The following PCDH11X variants were observed in gnomAD, a reference collection of about 807,000 sequenced individuals.
PCDH11X encodes the protein protocadherin 11 X-linked, also known as protocadherin-11 X-linked.
Under a neutral mutation model 53.3 loss-of-function variants are expected in PCDH11X, and 18 were observed. That is an observed-to-expected ratio of 0.34 (90% CI 0.23 to 0.50). The LOEUF (loss-of-function observed/expected upper bound fraction) is 0.50, where lower values mean the gene tolerates loss of function less well. Ranked by LOEUF, PCDH11X falls within the 20% of genes least tolerant of loss-of-function variation. The pLI is 0.98. For synonymous variants in PCDH11X, 279 were observed against 393.3 expected (o/e 0.71, Z 3.44); for missense variants, 570 against 1,032.4 (o/e 0.55, Z 6.14).
At chrX:91,783,157 T>C (rs1935217984) in intron 1 of PCDH11X, among the ~76,000 whole-genome samples, 1 of 112,107 alleles carries the variant, frequency 8.9e-6, no homozygotes, top group Non-Finnish European at 1.9e-5. Flanking sequence ...CCTTTTCTTC[T>C]TCCCTTTGAT....
chrX:92,617,286 A>G (rs1196471018), intron 10 of PCDH11X, among the ~76,000 whole-genome samples: 2 of 111,837 alleles, frequency 1.8e-5, no homozygotes, highest in Non-Finnish European at 3.8e-5. Flanking sequence ...CAAGTCTTCT[A>G]TGCATTTACT....
chrX:92,105,241 G>A (rs2064352166), intron 6 of PCDH11X, among the ~76,000 whole-genome samples: 1 of 111,445 alleles, frequency 9.0e-6, no homozygotes, highest in African/African-American at 3.3e-5. Flanking sequence ...GGAGAAAGAG[G>A]TTGAGGGATA....
intron 10 of PCDH11X, among the ~76,000 whole-genome samples, chrX:92,579,360 C>T (rs1923372611): frequency 9.2e-6 from 1 of 108,400 alleles, no homozygotes; most frequent in African/African-American, 3.4e-5. Flanking sequence ...GATTCCATTT[C>T]CCTCCTCTCT....
At chrX:91,928,142 G>T (rs778280869) in intron 6 of PCDH11X, among the ~76,000 whole-genome samples, 1 of 108,011 alleles carries the variant, frequency 9.3e-6, no homozygotes, top group Non-Finnish European at 1.9e-5. Flanking sequence ...CCAATGGCAT[G>T]CTGTGAATAT....
intron 1 of PCDH11X, among the ~76,000 whole-genome samples, chrX:91,805,186 C>A (rs1194198192): frequency 9.4e-6 from 1 of 106,939 alleles, no homozygotes; most frequent in Non-Finnish European, 2.0e-5. Flanking sequence ...AATGTAGTAG[C>A]CATTTTGAAA....
intron 5 of PCDH11X, among the ~76,000 whole-genome samples, chrX:91,850,880 C>T (rs1199698478): frequency 9.1e-6 from 1 of 110,097 alleles, no homozygotes; most frequent in African/African-American, 3.4e-5. Flanking sequence ...CTAAAAACTC[C>T]TTCTGCTAAC....
At chrX:91,993,317 A>C (rs1353730419) in intron 6 of PCDH11X, among the ~76,000 whole-genome samples, 2 of 112,800 alleles carry the variant, frequency 1.8e-5, no homozygotes, top group Non-Finnish European at 3.7e-5. Flanking sequence ...TGTTAACAGT[A>C]GACTGGTTTA....
intron 7 of PCDH11X, among the ~76,000 whole-genome samples, chrX:92,249,197 T>A (rs1177012793): frequency 9.0e-6 from 1 of 111,385 alleles, no homozygotes; most frequent in African/African-American, 3.3e-5. Context: ...ATTACATTTT[T>A]AAAAAATGCT....
intron 6 of PCDH11X, among the ~76,000 whole-genome samples, chrX:92,029,223 T>C (rs921829034): frequency 9.0e-6 from 1 of 111,693 alleles, no homozygotes; most frequent in African/African-American, 3.3e-5. Context: ...GCAAGTTGAC[T>C]GATGGCAAAG....
intron 6 of PCDH11X, among the ~76,000 whole-genome samples, chrX:91,881,971 T>A (rs1227600539): frequency 9.0e-6 from 1 of 111,055 alleles, no homozygotes; most frequent in South Asian, 3.7e-4. Context: ...AATAAAATGT[T>A]CTAGTAGACT....
At chrX:92,391,968 G>A (rs1333335977) in intron 9 of PCDH11X, among the ~76,000 whole-genome samples, 1 of 110,737 alleles carries the variant, frequency 9.0e-6, no homozygotes, top group Non-Finnish European at 1.9e-5. Flanking sequence ...AAAATGAAGA[G>A]GAGAATGATT....
At chrX:92,427,247 A>T (rs1230675136) in intron 9 of PCDH11X, among the ~76,000 whole-genome samples, 2 of 107,644 alleles carry the variant, frequency 1.9e-5, no homozygotes, top group Non-Finnish European at 3.8e-5. Flanking sequence ...CATTTGGAAG[A>T]CATAATTCTA....
At chrX:92,536,270 G>A (rs1044077770) in intron 10 of PCDH11X, among the ~76,000 whole-genome samples, 10 of 110,992 alleles carry the variant, frequency 9.0e-5, no homozygotes, top group African/African-American at 3.3e-4. Flanking sequence ...TTTTTATACA[G>A]GCTATTTTAT....
chrX:91,983,287 C>A, intron 6 of PCDH11X: 1 of 915,768 alleles, frequency 1.1e-6, no homozygotes, highest in Non-Finnish European at 1.6e-6. Context: ...TGTTCTATTT[C>A]TCTGTAAACG....
chrX:92,075,720 C>G (rs1211914030), intron 6 of PCDH11X, among the ~76,000 whole-genome samples: 1 of 111,735 alleles, frequency 8.9e-6, no homozygotes, highest in Non-Finnish European at 1.9e-5. Flanking sequence ...TCCAGATCCA[C>G]AAAATTTACT....
intron 8 of PCDH11X, among the ~76,000 whole-genome samples, chrX:92,337,149 G>T (rs1479857109): frequency 2.8e-5 from 3 of 107,984 alleles, no homozygotes; most frequent in African/African-American, 1.0e-4. Flanking sequence ...CACTGAGGCT[G>T]CATATATGGC....
At chrX:92,480,554 G>A (rs1764331116) in intron 10 of PCDH11X, among the ~76,000 whole-genome samples, 1 of 109,821 alleles carries the variant, frequency 9.1e-6, no homozygotes, top group African/African-American at 3.3e-5. Flanking sequence ...GCCCTTGAGG[G>A]TTTGGTTGTG....
intron 6 of PCDH11X, among the ~76,000 whole-genome samples, chrX:91,953,636 A>G (rs2061671242): frequency 9.0e-6 from 1 of 110,898 alleles, no homozygotes; most frequent in Non-Finnish European, 1.9e-5. Flanking sequence ...TCCTCCATGC[A>G]TCTTAGTATC....
chrX:92,519,205 C>A lies in PCDH11X; in HGVS notation c.3367+50883C>A, dbSNP rs985403876. On this transcript the variant is annotated intron_variant, in intron 10 of 10. Transcript: ENST00000682573. Reference sequence around the variant, plus strand: ...ACAATGTATTGGCAGATGAAGAAATCCATATAGAGAAGATGAGTAACTCAC... The same window carrying A: ...ACAATGTATTGGCAGATGAAGAAATACATATAGAGAAGATGAGTAACTCAC... Among the ~76,000 whole-genome samples the A allele has an allele frequency of 1.5e-4, 16 of 108,848 alleles. No homozygotes were observed. The Admixed American group carries it at 1.6e-3, about 11-fold the overall frequency. 94.5% of individuals were successfully genotyped at this position (108,848 alleles called of 115,157 possible). A position where few individuals can be genotyped will look rare whatever the true frequency, so the allele number is the denominator to read the frequency against.
Sources: allele counts gnomAD v4.1 joint callset (sites outside exome capture counted in the v4.1 genomes callset), GRCh38; gene constraint gnomAD v4.1.1; transcripts MANE v1.5; gene names NCBI Gene and HGNC (gene_info 2026-07-23, HGNC 2026-07-21).